Variants in ATG10 observed in about 807,000 individuals in gnomAD.
The protein encoded by ATG10 is ubiquitin-like-conjugating enzyme ATG10.
A neutral mutation model predicts 32.1 loss-of-function variants in ATG10; 30 were observed. The observed-to-expected ratio is 0.94, with a 90% CI of 0.70 to 1.27. The LOEUF is 1.27. Ranked by LOEUF, ATG10 falls within the 50% of genes most tolerant of loss-of-function variation. The pLI is 0.00. For synonymous variants in ATG10, 87 were observed against 91.5 expected (o/e 0.95, Z 0.28); for missense variants, 233 against 262.3 (o/e 0.89, Z 0.77).
intron 1 of ATG10, chr5:81,972,730 CTT>C (rs1760759368): frequency 6.6e-6 from 1 of 152,166 alleles, no homozygotes; most frequent in Admixed American, 6.5e-5. Context: ...GGAGGAATAA[CTT>C]GATATTTAGA....
At chr5:82,131,784 T>C (rs548683029) in intron 3 of ATG10, among the ~76,000 whole-genome samples, 2 of 152,214 alleles carry the variant, frequency 1.3e-5, no homozygotes, top group Non-Finnish European at 2.9e-5. Context: ...TATAAAGAAA[T>C]GCATGAGGCT....
chr5:82,113,017 GAAGT>G (rs1765666335), intron 3 of ATG10, among the ~76,000 whole-genome samples: 1 of 151,868 alleles, frequency 6.6e-6, no homozygotes. Context: ...TTCCATTTGA[GAAGT>G]AAGAAGCTAG....
chr5:82,000,227 A>T (rs767035767), intron 2 of ATG10, among the ~76,000 whole-genome samples: 10 of 152,254 alleles, frequency 6.6e-5, no homozygotes, highest in Non-Finnish European at 1.2e-4. Flanking sequence ...CCACATGATT[A>T]TCTCAATAGA....
intron 5 of ATG10, among the ~76,000 whole-genome samples, chr5:82,203,639 T>G (rs976515878): frequency 2.0e-5 from 3 of 152,212 alleles, no homozygotes; most frequent in Non-Finnish European, 4.4e-5. Context: ...AGTTTTTGTC[T>G]GTAAGCCAGG....
intron 2 of ATG10, among the ~76,000 whole-genome samples, chr5:82,054,659 A>G (rs1193001212): frequency 2.6e-5 from 4 of 152,202 alleles, no homozygotes; most frequent in African/African-American, 9.6e-5. Context: ...TATCTCTAAA[A>G]TGAGAGGCTT....
intron 3 of ATG10, among the ~76,000 whole-genome samples, chr5:82,148,713 T>A (rs1298609973): frequency 2.0e-5 from 3 of 152,212 alleles, no homozygotes; most frequent in African/African-American, 4.8e-5. Context: ...GCATTTGAAA[T>A]TTATTTATTT....
chr5:82,081,878 G>C (rs111855601), intron 3 of ATG10, among the ~76,000 whole-genome samples: 7 of 152,196 alleles, frequency 4.6e-5, no homozygotes, highest in Admixed American at 2.6e-4. Context: ...CTCATAAAAT[G>C]AGTTAGGGAG....
chr5:82,162,166 C>T (rs770284763), intron 3 of ATG10, among the ~76,000 whole-genome samples: 11 of 151,516 alleles, frequency 7.3e-5, no homozygotes, highest in South Asian at 2.1e-4. Flanking sequence ...TTATTATTTC[C>T]GATGTACAAA....
chr5:81,982,457 A>G (rs1479242098), intron 1 of ATG10, among the ~76,000 whole-genome samples: 2 of 152,188 alleles, frequency 1.3e-5, no homozygotes, highest in African/African-American at 4.8e-5. Flanking sequence ...CCAAAAAACA[A>G]AACAAAACAA....
chr5:82,043,079 G>T (rs962948808), intron 2 of ATG10, among the ~76,000 whole-genome samples: 1 of 152,188 alleles, frequency 6.6e-6, no homozygotes, highest in Non-Finnish European at 1.5e-5. Context: ...CTCCATGAGG[G>T]CTCCACCCCT....
At chr5:82,016,825 A>C (rs1490597226) in intron 2 of ATG10, among the ~76,000 whole-genome samples, 1 of 151,802 alleles carries the variant, frequency 6.6e-6, no homozygotes, top group African/African-American at 2.4e-5. Context: ...AGTAGCTGGG[A>C]CTGTAGGCGC....
chr5:81,994,238 TCA>T (rs1402591641), intron 2 of ATG10, among the ~76,000 whole-genome samples: 1 of 152,200 alleles, frequency 6.6e-6, no homozygotes, highest in African/African-American at 2.4e-5. Flanking sequence ...AGAAACTCCA[TCA>T]CAGAGTATTC....
intron 5 of ATG10, among the ~76,000 whole-genome samples, chr5:82,179,825 C>CAT (rs1375228805): frequency 6.6e-6 from 1 of 152,130 alleles, no homozygotes; most frequent in Admixed American, 6.6e-5. Context: ...TCCCAATCAA[C>CAT]ATAAGAATCC....
intron 1 of ATG10, among the ~76,000 whole-genome samples, chr5:81,979,714 T>C (rs934899662): frequency 1.3e-5 from 2 of 149,282 alleles, no homozygotes; most frequent in African/African-American, 4.9e-5. Flanking sequence ...TTTGCCTGCA[T>C]CTTTTTTTCT....
intron 1 of ATG10, among the ~76,000 whole-genome samples, chr5:81,974,569 A>G (rs145420968): frequency 8.4e-4 from 128 of 152,242 alleles, no homozygotes; most frequent in East Asian, 2.5e-3. Flanking sequence ...CCTATTGCCA[A>G]TTGTTTTAAA....
At chr5:82,164,267 C>T in intron 3 of ATG10, 132 bp from the exon 4 acceptor site, 2 of 890,706 alleles carry the variant, frequency 2.2e-6, no homozygotes, top group Non-Finnish European at 3.4e-6. Flanking sequence ...GGGAAACTCC[C>T]TTTTCCTTGC....
intron 3 of ATG10, among the ~76,000 whole-genome samples, chr5:82,071,944 A>C (rs1050270055): frequency 2.0e-5 from 3 of 152,160 alleles, no homozygotes; most frequent in African/African-American, 7.2e-5. Flanking sequence ...CTGAGTTTTA[A>C]ACACCAGGAA....
At chr5:82,149,859 G>A (rs942221727) in intron 3 of ATG10, among the ~76,000 whole-genome samples, 2 of 152,184 alleles carry the variant, frequency 1.3e-5, no homozygotes, top group African/African-American at 2.4e-5. Flanking sequence ...CTCTGGAAAG[G>A]CCTTTCTTGT....
chr5:81,980,199 T>C (rs909939468), intron 1 of ATG10, among the ~76,000 whole-genome samples: 1 of 152,136 alleles, frequency 6.6e-6, no homozygotes, highest in Non-Finnish European at 1.5e-5. Flanking sequence ...CTTTTAGAGG[T>C]CTTTCCCTTT....
Sources: gnomAD v4.1 joint callset for allele counts (sites outside exome capture counted in the v4.1 genomes callset) on GRCh38, gnomAD v4.1.1 for gene constraint, MANE v1.5 for transcripts, NCBI Gene and HGNC (gene_info 2026-07-23, HGNC 2026-07-21) for gene names.